The following DPF2 variants were observed in gnomAD, a reference collection of about 807,000 sequenced individuals.
The protein encoded by DPF2 is double PHD fingers 2, also known as zinc finger protein ubi-d4.
A neutral mutation model predicts 59.6 loss-of-function variants in DPF2; 10 were observed. That is an observed-to-expected ratio of 0.17 (90% CI 0.10 to 0.28). The LOEUF is 0.28. Among genes scored for constraint, DPF2 ranks in the 10% least tolerant of loss-of-function variants. The pLI is 1.00. For synonymous variants in DPF2, 189 were observed against 190.6 expected, an observed-to-expected ratio of 0.99 and a Z score of 0.07; for missense variants, 315 against 509.4, an observed-to-expected ratio of 0.62 and a Z score of 3.67.
At chr11:65,333,960 T>A (rs952934776) in intron 1 of DPF2, 42 bp downstream of exon 1, 2 of 1,608,786 alleles carry the variant, frequency 1.2e-6, no homozygotes, top group Non-Finnish European at 1.7e-6. Flanking sequence ...GCAGGTTTTG[T>A]AAAGGGCCTG....
intron 4 of DPF2, among the ~76,000 whole-genome samples, chr11:65,343,264 A>C (rs1018659680): frequency 7.2e-6 from 1 of 139,136 alleles, no homozygotes; most frequent in Admixed American, 8.2e-5. Context: ...GCGCCATTGC[A>C]CTCCAGCCTG....
chr11:65,345,162 C>T (rs2137702030), intron 6 of DPF2: 2 of 171,212 alleles, frequency 1.2e-5, no homozygotes, highest in South Asian at 3.2e-4. Flanking sequence ...TAGGCTATCC[C>T]CAAGAAACCC....
At chr11:65,337,496 T>TAGAGAGAGAG (rs1475373950) in intron 1 of DPF2, among the ~76,000 whole-genome samples, 1 of 57,220 alleles carries the variant, frequency 1.7e-5, no homozygotes, top group East Asian at 6.3e-4. Flanking sequence ...TATATATATA[T>TAGAGAGAGAG]ATATATATAG....
chr11:65,354,251 C>T lies in DPF2; in HGVS notation c.*2492C>T, dbSNP rs1483124978. On this transcript the variant is annotated 3_prime_UTR_variant, in exon 11 of 11. Transcript: ENST00000528416. ...AAAGTACCAAATCTAATAAAATACT[C>T]GTCCTAAATCATTACTGGCCCAAGC... is the stretch of plus-strand genomic sequence containing the variant. Among the ~76,000 whole-genome samples the T allele has an allele frequency of 6.6e-6, 1 of 152,216 alleles. No individual in the cohort carries two copies. Among genetic ancestry groups the T allele is most frequent in the African/African-American group, 2.4e-5 (1 of 41,466 alleles).
chr11:65,334,344 G>T (rs909613642), intron 1 of DPF2, among the ~76,000 whole-genome samples: 1 of 151,924 alleles, frequency 6.6e-6, no homozygotes, highest in Non-Finnish European at 1.5e-5. Flanking sequence ...GCAGCAACAG[G>T]CTCGGCGGCC....
chr11:65,337,504 T>TATATATAGAG (rs1282367012), intron 1 of DPF2, among the ~76,000 whole-genome samples: 21 of 21,396 alleles, frequency 9.8e-4, no homozygotes, highest in South Asian at 6.3e-3. Flanking sequence ...TATATATATA[T>TATATATAGAG]AGAGAGAGAG....
intron 9 of DPF2, chr11:65,347,343 T>TTATC: frequency 6.6e-6 from 1 of 151,998 alleles, no homozygotes; most frequent in African/African-American, 2.4e-5. Context: ...ATTTATTTAT[T>TTATC]TATTTTGAGA....
intron 1 of DPF2, among the ~76,000 whole-genome samples, chr11:65,335,700 C>A (rs1440828673): frequency 6.6e-6 from 1 of 152,212 alleles, no homozygotes; most frequent in African/African-American, 2.4e-5. Context: ...GGCTTCTATT[C>A]TTCCAGTTCA....
rs1284365111 is a variant in DPF2 at position 65,340,404 on chromosome 11, A to G, written c.52A>G (p.Lys18Glu). The change falls in exon 2 of 11, where the codon AAA (lysine) becomes GAA (glutamate). Residue 18 changes from lysine (K) to glutamate (E), a missense_variant. By Grantham distance (56) the Lys-to-Glu change is moderately conservative. Coordinates refer to ENST00000528416, the MANE Select transcript of DPF2 (RefSeq NM_006268.5). ...CTGCAGCCTTGGGGAGCAGTACTAC[A>G]AAGATGCCATGGAGCAGTGCCACAA... is the stretch of plus-strand genomic sequence containing the variant. ...VVKLLGEQYY[K>E]DAMEQCHNYN... 3.1e-6 allele frequency: 5 copies of G among 1,614,222 alleles called. No individual in the cohort carries two copies. The highest frequency in any genetic ancestry group is 1.1e-5 in the South Asian group (1 of 91,084).
At chr11:65,347,493 C>G (rs1854570261) in intron 9 of DPF2, 1 of 151,860 alleles carries the variant, frequency 6.6e-6, no homozygotes, top group Non-Finnish European at 1.5e-5. Flanking sequence ...ACCACCATGT[C>G]TGGCTACTTT....
intron 1 of DPF2, among the ~76,000 whole-genome samples, chr11:65,337,471 AAAAATAT>A (rs1565527217): frequency 3.0e-4 from 15 of 49,868 alleles, no homozygotes; most frequent in South Asian, 9.0e-4. Flanking sequence ...AAAAAAAAAA[AAAAATAT>A]ATATATATAT....
chr11:65,345,639 T>G, intron 6 of DPF2, 27 bp from the exon 7 acceptor site: 1 of 1,613,442 alleles, frequency 6.2e-7, no homozygotes, highest in African/African-American at 1.3e-5. Flanking sequence ...TCCTAACACC[T>G]TTCTCTGCAA....
In DPF2 at chr11:65,351,835, CCTT is replaced by C. The variant is rs199638754; in HGVS notation, c.*81_*83del. The C allele has an allele frequency of 6.1e-6, 9 of 1,476,120 alleles. No individual in the cohort carries two copies. The highest frequency in any genetic ancestry group is 4.5e-5 in the East Asian group (2 of 44,004). 91.4% of individuals were successfully genotyped at this position (1,476,120 alleles called of 1,614,324 possible). A position where few individuals can be genotyped will look rare whatever the true frequency, so the allele number is the denominator to read the frequency against. The stretch of plus-strand genomic sequence containing the variant: ...ACTTCATATTTCATACCCATCTTTC[CCTT>C]CTTCCTCCTCTCCTTCACAAATCCA... On this transcript the variant is annotated 3_prime_UTR_variant, in exon 11 of 11. Transcript: ENST00000528416.
chr11:65,349,896 A>C (rs1854643032), intron 10 of DPF2, among the ~76,000 whole-genome samples: 2 of 152,092 alleles, frequency 1.3e-5, no homozygotes, highest in Non-Finnish European at 2.9e-5. Context: ...CCAGCATTAC[A>C]GGCAAGAGAA....
chr11:65,336,421 G>A (rs1475687696), intron 1 of DPF2, among the ~76,000 whole-genome samples: 2 of 151,968 alleles, frequency 1.3e-5, no homozygotes, highest in Admixed American at 6.6e-5. Context: ...GAACCCAGGC[G>A]GCAGAGGTTG....
At chr11:65,345,430 G>A in intron 6 of DPF2, 1 of 548,648 alleles carries the variant, frequency 1.8e-6, no homozygotes, top group Non-Finnish European at 3.2e-6. Flanking sequence ...AAGAGCAGTG[G>A]TGGCCATGGG....
rs543881820 is a variant in DPF2 at position 65,343,168 on chromosome 11, G to A, written c.466-577G>A. 9.9e-5 allele frequency among the ~76,000 whole-genome samples: 15 copies of A among 151,870 alleles called. No homozygotes were observed. The South Asian group carries it at 3.1e-3, about 32-fold the overall frequency. On this transcript the variant is annotated intron_variant, in intron 4 of 10. Transcript: ENST00000528416. ...TCCAAAATTAATCAGGTGTGGTGGC[G>A]CATGCCTGTAATTCCACCTACTTGG... is the stretch of plus-strand genomic sequence containing the variant.
chr11:65,340,654 T>C, intron 2 of DPF2, 109 bp downstream of exon 2: 1 of 1,397,240 alleles, frequency 7.2e-7, no homozygotes. Flanking sequence ...GCCTTCCACC[T>C]ATGGATGAAT....
chr11:65,351,041 C>T (rs1854682919), intron 10 of DPF2, among the ~76,000 whole-genome samples: 1 of 151,838 alleles, frequency 6.6e-6, no homozygotes, highest in East Asian at 1.9e-4. Flanking sequence ...GTGGCTCACA[C>T]ACCCTAAAAT....
Sources: allele counts gnomAD v4.1 joint callset (sites outside exome capture counted in the v4.1 genomes callset), GRCh38; gene constraint gnomAD v4.1.1; transcripts MANE v1.5; gene names NCBI Gene and HGNC (gene_info 2026-07-23, HGNC 2026-07-21).